Variants in GTPBP4 observed in about 807,000 individuals in gnomAD.
The protein encoded by GTPBP4 is GTP-binding protein 4.
In GTPBP4, 15 loss-of-function variants were observed where a neutral mutation model predicts 81.7. The observed-to-expected ratio is 0.18, with a 90% CI of 0.12 to 0.28. The LOEUF (loss-of-function observed/expected upper bound fraction) is 0.28, where lower values mean the gene tolerates loss of function less well. Among genes scored for constraint, GTPBP4 ranks in the 10% least tolerant of loss-of-function variants. The pLI is 1.00. For missense variants in GTPBP4, 847 were observed against 793.8 expected (o/e 1.07, Z -0.81); for synonymous variants, 272 against 274.6 (o/e 0.99, Z 0.09).
intron 12 of GTPBP4, among the ~76,000 whole-genome samples, chr10:1,009,998 G>GA (rs11404947): frequency 0.45 from 68,417 of 151,756 alleles, 16,512 homozygotes; most frequent in Middle Eastern, 0.58. Context: ...CTGTCTCAAA[G>GA]AAAGGTGCAT....
intron 8 of GTPBP4, among the ~76,000 whole-genome samples, chr10:1,003,507 G>A (rs185152766): frequency 1.3e-5 from 2 of 152,094 alleles, no homozygotes; most frequent in Non-Finnish European, 2.9e-5. Flanking sequence ...CTCTGCATCT[G>A]GTAGAACAGG....
In GTPBP4 at chr10:1,011,000, TCCC is replaced by T. The variant is rs61351128; in HGVS notation, c.1344+485_1344+487del. 6.9e-3 allele frequency among the ~76,000 whole-genome samples: 695 copies of T among 101,152 alleles called. 4 individuals are homozygous for T. The highest frequency in any genetic ancestry group is 0.014 in the South Asian group (34 of 2,466). 66.4% of individuals were successfully genotyped at this position (101,152 alleles called of 152,430 possible). On this transcript the variant is annotated intron_variant, in intron 13 of 16. Coordinates refer to ENST00000360803, the MANE Select transcript of GTPBP4 (RefSeq NM_012341.3). Reference sequence around the variant, plus strand: ...CCTGACTGTGCCTCCTGCACCACCTTCCCCCCCACCCTGTGTCTCCGCCAGGCC... The same window carrying T: ...CCTGACTGTGCCTCCTGCACCACCTTCCCCACCCTGTGTCTCCGCCAGGCC...
rs774543705 is a variant in GTPBP4, at chr10:1,007,111, A to G, written c.1096A>G (p.Thr366Ala). 2.5e-6 allele frequency: 4 copies of G among 1,589,104 alleles called. 1 individual carries two copies. In the South Asian group the frequency reaches 4.4e-5, roughly 18 times the overall value. Residue 366 changes from threonine (T) to alanine (A), a missense_variant, in exon 10 of 17, where the codon ACC becomes GCC. Thr to Ala is a moderately conservative substitution (Grantham distance 58). Coordinates refer to ENST00000360803, the MANE Select transcript of GTPBP4 (RefSeq NM_012341.3). ...GAATAGACTGCACCTGGCTATCCCAACCAGGAGGGACGATAAGGTAAGACG... is the reference window on the plus strand; with the variant it reads ...GAATAGACTGCACCTGGCTATCCCAGCCAGGAGGGACGATAAGGTAAGACG... ...VLNRLHLAIPTRRDDKERPPF... is the reference protein window; with the variant it reads ...VLNRLHLAIPARRDDKERPPF...
At chr10:993,447 A>G (rs976842755) in intron 2 of GTPBP4, among the ~76,000 whole-genome samples, 5 of 152,126 alleles carry the variant, frequency 3.3e-5, no homozygotes, top group African/African-American at 9.7e-5. Flanking sequence ...GGGTTTCACC[A>G]TGTTGGCCAG....
At chr10:1,013,639 G>C (rs1831920343) in intron 14 of GTPBP4, among the ~76,000 whole-genome samples, 1 of 152,042 alleles carries the variant, frequency 6.6e-6, no homozygotes, top group Non-Finnish European at 1.5e-5. Flanking sequence ...AAAAAATCTG[G>C]ACTCTTTAGC....
At chr10:995,818 G>T in intron 2 of GTPBP4, 111 bp from the exon 3 acceptor site, 4 of 655,798 alleles carry the variant, frequency 6.1e-6, no homozygotes, top group Non-Finnish European at 1.1e-5. Flanking sequence ...GAGGGAACTG[G>T]GGAGGAGACA....
intron 14 of GTPBP4, 25 bp downstream of exon 14, chr10:1,012,687 G>A: frequency 6.4e-7 from 1 of 1,557,960 alleles, no homozygotes; most frequent in Non-Finnish European, 8.8e-7. Context: ...TTCCAAAGCA[G>A]TGTGATCTAG....
intron 2 of GTPBP4, among the ~76,000 whole-genome samples, chr10:995,092 G>A (rs973626005): frequency 4.6e-5 from 7 of 152,148 alleles, no homozygotes; most frequent in East Asian, 1.9e-4. Flanking sequence ...GTCAAGGGTC[G>A]AGTTTATATG....
chr10:1,004,396 C>T (rs1050841764), intron 8 of GTPBP4, among the ~76,000 whole-genome samples: 2 of 152,078 alleles, frequency 1.3e-5, no homozygotes, highest in Non-Finnish European at 2.9e-5. Context: ...GAGCTGTTTG[C>T]GTGGTGGGGC....
chr10:1,015,236 A>G (rs1337272681), intron 15 of GTPBP4, among the ~76,000 whole-genome samples: 1 of 152,226 alleles, frequency 6.6e-6, no homozygotes, highest in East Asian at 1.9e-4. Context: ...TGAACTTGAA[A>G]TGGTGTCACT....
chr10:1,018,087 CTTTAG>C lies in GTPBP4; in HGVS notation c.*863_*867del, dbSNP rs1832021831. The stretch of plus-strand genomic sequence containing the variant: ...ATCAACATTATAGCTGAGGAAAGGA[CTTTAG>C]TTAATCACACTTCTGGATTACATGT... On this transcript the variant is annotated 3_prime_UTR_variant, in exon 17 of 17. Transcript: ENST00000360803. 1 of 152,204 alleles carries C rather than the reference CTTTAG, an allele frequency of 6.6e-6. No individual in the cohort carries two copies. Among genetic ancestry groups the C allele is most frequent in the Non-Finnish European group, 1.5e-5 (1 of 68,052 alleles). 9.4% of individuals were successfully genotyped at this position (152,204 alleles called of 1,614,324 possible). A position where few individuals can be genotyped will look rare whatever the true frequency, so the allele number is the denominator to read the frequency against.
At chr10:990,152 T>C (rs1412699577) in intron 1 of GTPBP4, among the ~76,000 whole-genome samples, 2 of 152,258 alleles carry the variant, frequency 1.3e-5, no homozygotes, top group Non-Finnish European at 2.9e-5. Flanking sequence ...GTTCATGTTA[T>C]TGACTTATGT....
rs1463729133 is a variant in GTPBP4 at position 997,235 on chromosome 10, C to A, written c.488C>A (p.Thr163Asn). The A allele has an allele frequency of 5.6e-6, 9 of 1,605,004 alleles. No individual in the cohort carries two copies. Among genetic ancestry groups the A allele is most frequent in the Non-Finnish European group, 7.7e-6 (9 of 1,171,626 alleles). The stretch of plus-strand genomic sequence containing the variant: ...CGTCAGCATTTATCCCGTTTGCCAA[C>A]CATTGATCCGAATACCAGGACCCTG... ...QVRQHLSRLP[T>N]IDPNTRTLLL... is the part of the protein sequence containing the mutation. Residue 163 changes from threonine (T) to asparagine (N), a missense_variant, in exon 5 of 17, where the codon ACC (threonine) becomes AAC (asparagine). Physicochemically the swap from Thr to Asn is moderately conservative, Grantham distance 65. Coordinates refer to ENST00000360803, the MANE Select transcript of GTPBP4 (RefSeq NM_012341.3).
rs1292200076 is a variant in GTPBP4 at position 996,229 on chromosome 10, G to A, written c.447G>A (p.Glu149=). Residue 149 remains glutamate, a synonymous_variant, in exon 4 of 17, where the codon GAG becomes GAA. Coordinates refer to ENST00000360803, the MANE Select transcript of GTPBP4 (RefSeq NM_012341.3). The part of the protein sequence containing the change: ...TVIKRQKQSL[E]YLEQVRQHLS... ...TCAAGAGGCAGAAGCAGAGTTTGGAGTATTTGGAGCAAGGTGCTTGTCACG... is the reference window on the plus strand; with the variant it reads ...TCAAGAGGCAGAAGCAGAGTTTGGAATATTTGGAGCAAGGTGCTTGTCACG... 6.2e-7 allele frequency: 1 copy of A among 1,613,106 alleles called. No individual in the cohort carries two copies. Among genetic ancestry groups the A allele is most frequent in the Non-Finnish European group, 8.5e-7 (1 of 1,179,476 alleles).
At chr10:1,011,559 A>T (rs1294567028) in intron 13 of GTPBP4, among the ~76,000 whole-genome samples, 1 of 151,894 alleles carries the variant, frequency 6.6e-6, no homozygotes, top group African/African-American at 2.4e-5. Flanking sequence ...CATTCTTTTT[A>T]TACAATACTT....
In GTPBP4 at chr10:995,932, A is replaced by G. The variant is rs751456795; in HGVS notation, c.223A>G (p.Ile75Val). 2 of 1,583,012 alleles carry G rather than the reference A, an allele frequency of 1.3e-6. No homozygotes were observed. The highest frequency in any genetic ancestry group is 1.7e-6 in the Non-Finnish European group (2 of 1,152,298). ...GGTGTGCTTTTGTTTGTTACAGGAT[A>G]TTCATCCGTTCTATGCTGATTTGAT... The part of the protein sequence containing the change: ...ILTDFPKLDD[I>V]HPFYADLMNI... The change falls in exon 3 of 17, where the codon ATT (isoleucine) becomes GTT (valine). Residue 75 changes from isoleucine (I) to valine (V), a missense_variant. Transcript: ENST00000360803.
At chr10:995,600 A>G (rs1307758112) in intron 2 of GTPBP4, among the ~76,000 whole-genome samples, 1 of 152,140 alleles carries the variant, frequency 6.6e-6, no homozygotes, top group Non-Finnish European at 1.5e-5. Flanking sequence ...GCTGATGGGA[A>G]TAGTCAGGTG....
At chr10:998,317 C>G (rs1016140644) in intron 5 of GTPBP4, among the ~76,000 whole-genome samples, 13 of 152,144 alleles carry the variant, frequency 8.5e-5, no homozygotes, top group Non-Finnish European at 1.9e-4. Context: ...CCAGGCTGAT[C>G]TCAAACTCCC....
chr10:1,004,960 G>T (rs1481710070), intron 8 of GTPBP4, among the ~76,000 whole-genome samples: 2 of 152,168 alleles, frequency 1.3e-5, no homozygotes, highest in African/African-American at 4.8e-5. Context: ...CTTCTGTGTG[G>T]GAGCACAGCT....
Sources: gnomAD v4.1 joint callset for allele counts (sites outside exome capture counted in the v4.1 genomes callset) on GRCh38, gnomAD v4.1.1 for gene constraint, MANE v1.5 for transcripts, NCBI Gene and HGNC (gene_info 2026-07-23, HGNC 2026-07-21) for gene names.